The following RGS12 variants were observed in gnomAD, a reference collection of about 807,000 sequenced individuals.
RGS12 encodes regulator of G-protein signaling 12.
In RGS12, 66 loss-of-function variants were observed where a neutral mutation model predicts 120.1. The ratio of observed to expected loss-of-function variants is 0.55; its 90% confidence interval spans 0.45 to 0.67. The LOEUF is 0.67. Ranked by LOEUF, RGS12 falls within the 30% of genes least tolerant of loss-of-function variation. The pLI is 0.00. For missense variants in RGS12, 1,859 were observed against 1,957.7 expected (o/e 0.95, Z 0.95); for synonymous variants, 827 against 804.7 (o/e 1.03, Z -0.47).
At chr4:3,431,616 G>A (rs1197910356) in intron 17 of RGS12, 19 of 985,482 alleles carry the variant, frequency 1.9e-5, no homozygotes, top group Non-Finnish European at 2.2e-5. Context: ...GGATGTTTCC[G>A]TGAGCCACAA....
chr4:3,293,295 G>T (rs1212306509), intron 1 of RGS12, among the ~76,000 whole-genome samples, 196 bp downstream of exon 1: 2 of 139,632 alleles, frequency 1.4e-5, no homozygotes, highest in Non-Finnish European at 3.1e-5. Context: ...TCCTGGTCCC[G>T]GGCCCGGCGC....
At chr4:3,345,247 A>C (rs1713682301) in intron 3 of RGS12, among the ~76,000 whole-genome samples, 1 of 152,250 alleles carries the variant, frequency 6.6e-6, no homozygotes, top group Middle Eastern at 3.4e-3. Context: ...CCTGTGTGCA[A>C]GGTTGTGGTT....
chr4:3,414,357 G>C (rs865967361), intron 5 of RGS12, 116 bp downstream of exon 5: 2 of 1,186,730 alleles, frequency 1.7e-6, no homozygotes, highest in African/African-American at 1.5e-5. Context: ...GAGCAGCCCC[G>C]TGGCAGGGGT....
chr4:3,373,129 G>T (rs542874376), intron 3 of RGS12, among the ~76,000 whole-genome samples: 1 of 152,332 alleles, frequency 6.6e-6, no homozygotes, highest in East Asian at 1.9e-4. Flanking sequence ...GAAGTGAAAG[G>T]ATAATGAGGA....
At chr4:3,302,847 G>T (rs1279719403) in intron 1 of RGS12, among the ~76,000 whole-genome samples, 1 of 152,072 alleles carries the variant, frequency 6.6e-6, no homozygotes, top group Non-Finnish European at 1.5e-5. Context: ...GAGAGGGCCC[G>T]TTTCAAGAGA....
At chr4:3,439,401 CG>C in intron 17 of RGS12, 53 bp from the exon 18 acceptor site, 1 of 1,590,950 alleles carries the variant, frequency 6.3e-7, no homozygotes, top group Non-Finnish European at 8.6e-7. Flanking sequence ...GGGTGGGTTC[CG>C]GGGGCCCAGG....
rs1719429209 is a variant in RGS12, at chr4:3,390,899, T to C, written c.2020+4462T>C. Among the ~76,000 whole-genome samples the C allele has an allele frequency of 6.6e-6, 1 of 152,248 alleles. No homozygotes were observed. Among genetic ancestry groups the C allele is most frequent in the Non-Finnish European group, 1.5e-5 (1 of 68,042 alleles). On this transcript the variant is annotated intron_variant, in intron 4 of 17. Transcript: ENST00000336727. The surrounding 1 kb of genome is among the most constrained non-coding windows in gnomAD (Gnocchi z 4.6). ...AAAATATAAAGTATAATTGTTGATA[T>C]TTTTGGCAAATGCCAAAATTTGTAT...
intron 3 of RGS12, among the ~76,000 whole-genome samples, chr4:3,369,427 C>A (rs1043817262): frequency 6.6e-6 from 1 of 152,194 alleles, no homozygotes; most frequent in Non-Finnish European, 1.5e-5. Flanking sequence ...AACCCCAGAC[C>A]CCAGAGCCAT....
At chr4:3,323,454 T>C (rs7679872) in intron 2 of RGS12, among the ~76,000 whole-genome samples, 46,206 of 152,154 alleles carry the variant, frequency 0.3, 7,221 homozygotes, top group African/African-American at 0.4. Context: ...TTGCACAGGC[T>C]CTTGGATATT....
rs919527427 is a variant in RGS12 at position 3,410,928 on chromosome 4, G to T, written c.2021-3144G>T. On this transcript the variant is annotated intron_variant, in intron 4 of 17. Transcript: ENST00000336727. ...CCGCCACCTGTGTGATGTGTGGCCG[G>T]TGCCCCACAGTTTCCTGTCCAGGGA... Among the ~76,000 whole-genome samples the T allele has an allele frequency of 8.5e-5, 13 of 152,332 alleles. 1 individual carries two copies. The highest frequency in any genetic ancestry group is 3.1e-4 in the African/African-American group (13 of 41,576).
Position 3,374,953 on chromosome 4 carries a change from T to TG in RGS12, c.1999-11458dup. 6.6e-6 allele frequency among the ~76,000 whole-genome samples: 1 copy of TG among 152,180 alleles called. No individual in the cohort carries two copies. Among genetic ancestry groups the TG allele is most frequent in the Non-Finnish European group, 1.5e-5 (1 of 68,026 alleles). ...CATCTCAGGATGGCTCGCCACGTCA[T>TG]GGGGGCTCAGCAGATGCTTTGCCAA... On this transcript the variant is annotated intron_variant, in intron 3 of 17. Coordinates refer to ENST00000336727, the MANE Select transcript of RGS12 (RefSeq NM_001394154.1). This position sits in a 1 kb window ranked among gnomAD's most constrained non-coding sequence, Gnocchi z 6.3.
At chr4:3,379,773 G>A (rs1718076245) in intron 3 of RGS12, among the ~76,000 whole-genome samples, 2 of 152,108 alleles carry the variant, frequency 1.3e-5, no homozygotes, top group South Asian at 2.1e-4. Flanking sequence ...GGGGGTAACT[G>A]CCCCCATGAT....
intron 4 of RGS12, among the ~76,000 whole-genome samples, chr4:3,410,263 A>G (rs1721593694): frequency 6.6e-6 from 1 of 152,222 alleles, no homozygotes; most frequent in Non-Finnish European, 1.5e-5. Flanking sequence ...TACCCTGCCC[A>G]GCTAATTTTT....
chr4:3,334,392 T>C (rs1458744769), intron 2 of RGS12, among the ~76,000 whole-genome samples: 1 of 152,244 alleles, frequency 6.6e-6, no homozygotes, highest in African/African-American at 2.4e-5. Context: ...ACCTAACTTA[T>C]GATCATTTTT....
chr4:3,369,913 T>C (rs1716785068), intron 3 of RGS12: 2 of 614,510 alleles, frequency 3.3e-6, no homozygotes. Flanking sequence ...ATTAAGGTTG[T>C]GAACTGCACC....
At chr4:3,392,212 C>T (rs1186478409) in intron 4 of RGS12, among the ~76,000 whole-genome samples, 1 of 152,142 alleles carries the variant, frequency 6.6e-6, no homozygotes, top group African/African-American at 2.4e-5. Flanking sequence ...TCCCCTACCC[C>T]CAGGCTAGAT....
intron 4 of RGS12, among the ~76,000 whole-genome samples, chr4:3,401,706 A>G (rs917737012): frequency 1.3e-5 from 2 of 152,260 alleles, no homozygotes; most frequent in Non-Finnish European, 2.9e-5. Flanking sequence ...ACTAGGTAAC[A>G]CCAGGCTGAG....
rs1725133517 is a variant in RGS12 at position 3,439,468 on chromosome 4, T to A, written c.4128T>A (p.His1376Gln). 6.2e-7 allele frequency: 1 copy of A among 1,612,758 alleles called. No homozygotes were observed. ...PGPSRPGSGT[H>Q]GSRDLPVNRI... ...TCCTTGTGACAGGAAGTGGGACCCA[T>A]GGCAGCCGAGACCTCCCAGTCAACA... The change falls in exon 18 of 18, where the codon CAT (histidine) becomes CAA (glutamine). Residue 1376 changes from histidine to glutamine, a missense_variant. This residue lies in a region of RGS12 where 517 missense variants were observed against 488.5 expected (regional missense o/e 1.06). Transcript: ENST00000336727.
intron 3 of RGS12, among the ~76,000 whole-genome samples, chr4:3,360,154 G>T (rs1715419138): frequency 6.6e-6 from 1 of 152,194 alleles, no homozygotes; most frequent in Non-Finnish European, 1.5e-5. Flanking sequence ...TTGGTGTAGA[G>T]TTGTTCACAG....
Sources: allele counts gnomAD v4.1 joint callset (sites outside exome capture counted in the v4.1 genomes callset), GRCh38; gene constraint gnomAD v4.1.1; regional missense constraint gnomAD v4.1.1; non-coding constraint Gnocchi (gnomAD v3.1); transcripts MANE v1.5; gene names NCBI Gene and HGNC (gene_info 2026-07-23, HGNC 2026-07-21).